The following HECW2 variants were observed in gnomAD, a reference collection of about 807,000 sequenced individuals.
The protein encoded by HECW2 is E3 ubiquitin-protein ligase HECW2.
In HECW2, 61 loss-of-function variants were observed where a neutral mutation model predicts 175.2. The ratio of observed to expected loss-of-function variants is 0.35; its 90% CI spans 0.28 to 0.43. The LOEUF (loss-of-function observed/expected upper bound fraction) is 0.43, where lower values mean the gene tolerates loss of function less well. Among genes scored for constraint, HECW2 ranks in the 20% least tolerant of loss-of-function variants. The pLI, the probability that HECW2 is intolerant of heterozygous loss-of-function variation, is 1.00. For missense variants in HECW2, 1,524 were observed against 2,000.5 expected (o/e 0.76, Z 4.54); for synonymous variants, 671 against 731.0 (o/e 0.92, Z 1.32).
intron 2 of HECW2, among the ~76,000 whole-genome samples, chr2:196,365,291 C>T (rs905289809): frequency 1.3e-5 from 2 of 152,222 alleles, no homozygotes; most frequent in African/African-American, 4.8e-5. Context: ...CCTCCTCCAC[C>T]TATCTTTATG....
In HECW2 at chr2:196,433,245, C is replaced by T; in HGVS notation, c.179G>A (p.Ser60Asn). Residue 60 changes from serine to asparagine, a missense_variant, in exon 2 of 29, where the codon AGC becomes AAC. Physicochemically the swap from Ser to Asn is conservative, Grantham distance 46. Around this residue, in one of 11 missense-constraint regions of HECW2, gnomAD observed 135 missense variants for 214.6 expected, o/e 0.63. Transcript: ENST00000644978. ...GTACTCGTACATGCTGGCAGTTAAGCTGGAGCGGCTCTCAGAAGTCACCAG... is the reference window on the plus strand; with the variant it reads ...GTACTCGTACATGCTGGCAGTTAAGTTGGAGCGGCTCTCAGAAGTCACCAG... ...TDLVTSESRS[S>N]LTASMYEYTL... The T allele has an allele frequency of 6.2e-7, 1 of 1,614,148 alleles. No individual in the cohort carries two copies. Among genetic ancestry groups the T allele is most frequent in the Non-Finnish European group, 8.5e-7 (1 of 1,180,018 alleles).
chr2:196,576,354 A>C (rs1690561993), intron 1 of HECW2, among the ~76,000 whole-genome samples: 1 of 152,208 alleles, frequency 6.6e-6, no homozygotes, highest in South Asian at 2.1e-4. Flanking sequence ...ATGACTGTAC[A>C]TGTATGTACA....
chr2:196,273,946 G>T (rs58494824), intron 16 of HECW2, 75 bp downstream of exon 16: 7 of 1,018,002 alleles, frequency 6.9e-6, no homozygotes, highest in Non-Finnish European at 9.0e-6. Flanking sequence ...AACAACAGGG[G>T]AAGTATCAGC....
intron 19 of HECW2, among the ~76,000 whole-genome samples, chr2:196,245,580 T>C (rs1191510194): frequency 6.6e-6 from 1 of 152,200 alleles, no homozygotes; most frequent in Non-Finnish European, 1.5e-5. Context: ...AGTGTGTTTA[T>C]GGCACTTTAT....
chr2:196,348,661 A>G (rs1175156714), intron 2 of HECW2, among the ~76,000 whole-genome samples: 1 of 152,182 alleles, frequency 6.6e-6, no homozygotes, highest in Non-Finnish European at 1.5e-5. Context: ...AAAAAGAACA[A>G]TAACTGAATA....
chr2:196,480,768 C>T (rs1686815960), intron 1 of HECW2, among the ~76,000 whole-genome samples: 1 of 152,186 alleles, frequency 6.6e-6, no homozygotes, highest in Admixed American at 6.5e-5. Flanking sequence ...AGGTCCCTCA[C>T]AATCACAGAG....
chr2:196,479,633 A>G (rs2125369353), intron 1 of HECW2, among the ~76,000 whole-genome samples: 1 of 152,262 alleles, frequency 6.6e-6, no homozygotes, highest in East Asian at 1.9e-4. Context: ...AGCACATTAC[A>G]CTGTGTTAAC....
intron 13 of HECW2, among the ~76,000 whole-genome samples, chr2:196,295,074 C>T (rs1690755297): frequency 6.6e-6 from 1 of 152,168 alleles, no homozygotes; most frequent in Non-Finnish European, 1.5e-5. Flanking sequence ...CTTAATTCCT[C>T]AGTACACTTG....
chr2:196,441,784 A>T (rs1343428566), intron 1 of HECW2, among the ~76,000 whole-genome samples: 1 of 152,172 alleles, frequency 6.6e-6, no homozygotes, highest in Non-Finnish European at 1.5e-5. Flanking sequence ...GATTAGGAAA[A>T]CCAGAAAATG....
At chr2:196,470,872 T>C (rs1378531775) in intron 1 of HECW2, among the ~76,000 whole-genome samples, 1 of 151,682 alleles carries the variant, frequency 6.6e-6, no homozygotes, top group Non-Finnish European at 1.5e-5. Context: ...ATATAGAATG[T>C]ATAAAACTCA....
intron 1 of HECW2, among the ~76,000 whole-genome samples, chr2:196,482,516 T>C (rs1337442426): frequency 6.6e-6 from 1 of 152,196 alleles, no homozygotes; most frequent in Non-Finnish European, 1.5e-5. Flanking sequence ...GCACCATGCC[T>C]ACAAGATACC....
Position 196,582,093 on chromosome 2 carries a change from T to A in HECW2, c.-36+11415A>T, listed in dbSNP as rs146691724. On this transcript the variant is annotated intron_variant, in intron 1 of 28. Transcript: ENST00000644978. ...AAAATAATAATAATAATAATAATAATAAATTATCCTTACCCTGAAGAAATT... is the reference window on the plus strand; with the variant it reads ...AAAATAATAATAATAATAATAATAAAAAATTATCCTTACCCTGAAGAAATT... Among the ~76,000 whole-genome samples the A allele has an allele frequency of 4.9e-3, 743 of 151,932 alleles. 5 individuals are homozygous for A. The highest frequency in any genetic ancestry group is 0.016 in the African/African-American group (665 of 41,422).
chr2:196,375,410 T>C (rs943831528), intron 2 of HECW2, among the ~76,000 whole-genome samples: 1 of 152,220 alleles, frequency 6.6e-6, no homozygotes, highest in African/African-American at 2.4e-5. Flanking sequence ...CAATCAATCA[T>C]TGTGAGCATT....
rs748368065 is a variant in HECW2 at position 196,317,355 on chromosome 2, C to T, written c.2353G>A (p.Gly785Ser). Residue 785 changes from glycine (G) to serine (S), a missense_variant, in exon 10 of 29, where the codon GGC becomes AGC. By Grantham distance (56) the Gly-to-Ser change is moderately conservative. This residue lies in a region of HECW2 where 82 missense variants were observed against 124.4 expected (regional missense o/e 0.66). Coordinates refer to ENST00000644978, the MANE Select transcript of HECW2 (RefSeq NM_001348768.2). ...GGTAGTGATCGCAGTGGCTGGTGGC[C>T]GTTGGCTTGAGAACCTAGGATTAAA... ...EGATGGSQAN[G>S]HQPLRSLPSV... 2.2e-5 allele frequency: 36 copies of T among 1,612,124 alleles called. No individual in the cohort carries two copies. Among genetic ancestry groups the T allele is most frequent in the Middle Eastern group, 1.6e-4 (1 of 6,082 alleles).
In HECW2 at chr2:196,197,956, TA is replaced by T. The variant is rs1686742558; in HGVS notation, c.*3320del. The stretch of plus-strand genomic sequence containing the variant: ...TGCACAGGTAAAACAGATTTTCCTT[TA>T]TTTATTGCAGAATTTCTGCTAAATT... On this transcript the variant is annotated 3_prime_UTR_variant, in exon 29 of 29. Coordinates refer to ENST00000644978, the MANE Select transcript of HECW2 (RefSeq NM_001348768.2). 1 of 152,260 alleles carries T rather than the reference TA, an allele frequency of 6.6e-6. No homozygotes were observed. Among genetic ancestry groups the T allele is most frequent in the African/African-American group, 2.4e-5 (1 of 41,462 alleles). The allele number at this position is 152,260 out of a possible 1,614,324, so 9.4% of individuals were successfully genotyped here.
intron 5 of HECW2, among the ~76,000 whole-genome samples, chr2:196,327,705 G>T (rs1308483163): frequency 6.6e-6 from 1 of 152,138 alleles, no homozygotes; most frequent in African/African-American, 2.4e-5. Context: ...ATTGGTTTCA[G>T]CTCCTAGTCA....
At chr2:196,506,193 A>G (rs1687757799) in intron 1 of HECW2, among the ~76,000 whole-genome samples, 1 of 152,196 alleles carries the variant, frequency 6.6e-6, no homozygotes, top group Admixed American at 6.5e-5. Flanking sequence ...GTACAGATCA[A>G]TAACTATGGG....
intron 1 of HECW2, among the ~76,000 whole-genome samples, chr2:196,469,637 A>G (rs1229831929): frequency 6.6e-6 from 1 of 152,148 alleles, no homozygotes; most frequent in Non-Finnish European, 1.5e-5. Context: ...TTAAATAGTC[A>G]TAACAAAAAT....
At chr2:196,479,331 C>A (rs1037669161) in intron 1 of HECW2, among the ~76,000 whole-genome samples, 1 of 152,208 alleles carries the variant, frequency 6.6e-6, no homozygotes, top group African/African-American at 2.4e-5. Context: ...TGTTTGGCAG[C>A]AAGATTGCAT....
Sources: gnomAD v4.1 joint callset for allele counts (sites outside exome capture counted in the v4.1 genomes callset) on GRCh38, gnomAD v4.1.1 for gene constraint, gnomAD v4.1.1 regional missense constraint, MANE v1.5 for transcripts, NCBI Gene and HGNC (gene_info 2026-07-23, HGNC 2026-07-21) for gene names.